Variants in TMC7 observed in about 807,000 individuals in gnomAD.
TMC7 encodes the protein transmembrane channel-like protein 7.
Under a neutral mutation model 82.9 loss-of-function variants are expected in TMC7, and 54 were observed. The ratio of observed to expected loss-of-function variants is 0.65; its 90% CI spans 0.52 to 0.82. TMC7 has a LOEUF of 0.82. TMC7 is among the 40% of genes least tolerant of loss of function. The probability of loss-of-function intolerance (pLI) is 0.00; values close to 1 mark genes in which losing one functional copy is unlikely to be tolerated. For synonymous variants in TMC7, 350 were observed against 337.9 expected, an observed-to-expected ratio of 1.04 and a Z score of -0.39; for missense variants, 820 against 901.2, an observed-to-expected ratio of 0.91 and a Z score of 1.15.
At chr16:18,994,597 G>A (rs2039008712) in intron 1 of TMC7, among the ~76,000 whole-genome samples, 1 of 152,126 alleles carries the variant, frequency 6.6e-6, no homozygotes, top group Non-Finnish European at 1.5e-5. Context: ...GGGGAAAGGA[G>A]TTAGGATTTA....
intron 12 of TMC7, 97 bp downstream of exon 12, chr16:19,047,346 G>T (rs1056124869): frequency 9.9e-7 from 1 of 1,012,704 alleles, no homozygotes. Context: ...CCCATGAGAC[G>T]TATCAAAATT....
At chr16:19,052,093 G>A (rs1374522241) in intron 13 of TMC7, among the ~76,000 whole-genome samples, 1 of 152,074 alleles carries the variant, frequency 6.6e-6, no homozygotes, top group Non-Finnish European at 1.5e-5. Flanking sequence ...ACTATGCCCA[G>A]CTGATTTTTA....
intron 1 of TMC7, among the ~76,000 whole-genome samples, chr16:18,999,298 C>A (rs1201244074): frequency 2.0e-5 from 3 of 152,224 alleles, no homozygotes; most frequent in Admixed American, 6.5e-5. Context: ...CTGCATCCAG[C>A]CAGTCATATT....
intron 1 of TMC7, among the ~76,000 whole-genome samples, chr16:18,990,143 T>A (rs2038924607): frequency 6.6e-6 from 1 of 152,068 alleles, no homozygotes; most frequent in Non-Finnish European, 1.5e-5. Flanking sequence ...TTGGGGAGAT[T>A]ACAAAGTACC....
intron 2 of TMC7, among the ~76,000 whole-genome samples, chr16:19,013,264 G>A (rs1386670810): frequency 1.3e-5 from 2 of 151,236 alleles, no homozygotes; most frequent in Admixed American, 6.6e-5. Flanking sequence ...TGTTGCCCGG[G>A]CTGGAGTGCA....
chr16:19,003,908 G>T (rs1273715454), intron 1 of TMC7, among the ~76,000 whole-genome samples: 1 of 124,758 alleles, frequency 8.0e-6, no homozygotes, highest in Non-Finnish European at 1.7e-5. Context: ...AGGCCGCAGG[G>T]TCCTCTGCCT....
chr16:18,995,475 C>T lies in TMC7; in HGVS notation c.67+11345C>T, dbSNP rs946507931. 3.9e-5 allele frequency among the ~76,000 whole-genome samples: 6 copies of T among 152,256 alleles called. No homozygotes were observed. In the East Asian group the frequency reaches 7.7e-4, roughly 20 times the overall value. ...TTCCAGGGGCTCTGGGAGTGGCTGC[C>T]GGGCGAGTTGGACAGTCCAATTTCC... On this transcript the variant is annotated intron_variant, in intron 1 of 15. Coordinates refer to ENST00000304381, the MANE Select transcript of TMC7 (RefSeq NM_024847.4).
At chr16:19,007,774 C>T (rs960492236) in intron 1 of TMC7, among the ~76,000 whole-genome samples, 1 of 151,298 alleles carries the variant, frequency 6.6e-6, no homozygotes. Context: ...CCTGACACCA[C>T]TCTGTTCTTT....
At chr16:19,019,339 T>G (rs1427013590) in intron 3 of TMC7, among the ~76,000 whole-genome samples, 1 of 152,250 alleles carries the variant, frequency 6.6e-6, no homozygotes, top group African/African-American at 2.4e-5. Context: ...TATTGTTGTT[T>G]TATTTGGAGA....
At chr16:19,015,122 C>T (rs79170120) in intron 2 of TMC7, among the ~76,000 whole-genome samples, 164 of 152,086 alleles carry the variant, frequency 1.1e-3, no homozygotes, top group African/African-American at 3.6e-3. Context: ...TGCCACCATG[C>T]CCACCTAATT....
chr16:18,988,156 CT>C lies in TMC7; in HGVS notation c.67+4044del, dbSNP rs760359195. On this transcript the variant is annotated intron_variant, in intron 1 of 15. Transcript: ENST00000304381. Reference sequence around the variant, plus strand: ...GTTAATTTTCTTTTCTTCTCTCTTTCTTTTTTTTTTTTTTTTTTGATGGAGT... The same window carrying C: ...GTTAATTTTCTTTTCTTCTCTCTTTCTTTTTTTTTTTTTTTTTGATGGAGT... Among the ~76,000 whole-genome samples, 1,125 of 128,920 alleles carry C rather than the reference CT, an allele frequency of 8.7e-3. 8 individuals carry two copies. Among genetic ancestry groups the C allele is most frequent in the African/African-American group, 0.023 (795 of 34,484 alleles). The allele number at this position is 128,920 out of a possible 152,430, so 84.6% of individuals were successfully genotyped here. A position where few individuals can be genotyped will look rare whatever the true frequency, so the allele number is the denominator to read the frequency against.
chr16:19,036,915 G>C (rs905374466), intron 7 of TMC7, among the ~76,000 whole-genome samples: 1 of 152,138 alleles, frequency 6.6e-6, no homozygotes, highest in East Asian at 1.9e-4. Flanking sequence ...AATAAAAGCA[G>C]AGACTACTAC....
chr16:19,043,103 A>C (rs74998213), intron 9 of TMC7, among the ~76,000 whole-genome samples: 2 of 151,718 alleles, frequency 1.3e-5, no homozygotes, highest in East Asian at 1.9e-4. Context: ...AAAAAAAAAA[A>C]CAAGAACAAA....
chr16:18,991,130 A>G (rs1441656584), intron 1 of TMC7, among the ~76,000 whole-genome samples: 2 of 152,172 alleles, frequency 1.3e-5, no homozygotes, highest in African/African-American at 4.8e-5. Flanking sequence ...ATGGGAACCT[A>G]CAGTGGGAGA....
Position 19,035,736 on chromosome 16 carries a change from C to T in TMC7, c.918C>T (p.Cys306=). 6.2e-7 allele frequency: 1 copy of T among 1,613,774 alleles called. No homozygotes were observed. The highest frequency in any genetic ancestry group is 1.1e-5 in the South Asian group (1 of 91,026). ...IRSEEHFQSY[C]NKIFAGWDFC... Reference sequence around the variant, plus strand: ...GTGAGGAGCACTTTCAGAGTTACTGCAACAAGATATTTGCCGGCTGGGACT... The same window carrying T: ...GTGAGGAGCACTTTCAGAGTTACTGTAACAAGATATTTGCCGGCTGGGACT... The change falls in exon 7 of 16, where the codon TGC becomes TGT. Residue 306 remains cysteine, a synonymous_variant. Coordinates refer to ENST00000304381, the MANE Select transcript of TMC7 (RefSeq NM_024847.4).
At chr16:19,043,495 C>T (rs1160174351) in intron 9 of TMC7, among the ~76,000 whole-genome samples, 1 of 152,140 alleles carries the variant, frequency 6.6e-6, no homozygotes, top group African/African-American at 2.4e-5. Flanking sequence ...CAGTCATCAC[C>T]AGCATCCATC....
intron 9 of TMC7, among the ~76,000 whole-genome samples, chr16:19,044,239 C>T (rs930434118): frequency 7.2e-5 from 11 of 152,076 alleles, no homozygotes; most frequent in Admixed American, 3.9e-4. Context: ...GCTGAATCTC[C>T]GCTCACTGCA....
At chr16:19,040,114 T>C (rs1323587787) in intron 8 of TMC7, among the ~76,000 whole-genome samples, 175 bp from the exon 9 acceptor site, 4 of 16,124 alleles carry the variant, frequency 2.5e-4, no homozygotes, top group Admixed American at 9.8e-4. Flanking sequence ...AGACTCCATC[T>C]CAAAAAAAAA....
intron 1 of TMC7, among the ~76,000 whole-genome samples, chr16:19,005,111 C>T (rs766588838): frequency 2.7e-5 from 4 of 149,824 alleles, no homozygotes; most frequent in Non-Finnish European, 4.5e-5. Context: ...TTTTCTGAGA[C>T]GGAGTCTCGC....
Sources: allele counts gnomAD v4.1 joint callset (sites outside exome capture counted in the v4.1 genomes callset), GRCh38; gene constraint gnomAD v4.1.1; transcripts MANE v1.5; gene names NCBI Gene and HGNC (gene_info 2026-07-23, HGNC 2026-07-21).